CERKL: variants seen among roughly 807,000 people sequenced by gnomAD.
CERKL encodes ceramide kinase-like protein.
A neutral mutation model predicts 63.4 loss-of-function variants in CERKL; 61 were observed. The observed-to-expected ratio is 0.96, with a 90% confidence interval of 0.78 to 1.19. The LOEUF is 1.19. Ranked by LOEUF, CERKL falls within the 50% of genes most tolerant of loss-of-function variation. CERKL has a pLI of 0.00. For synonymous variants in CERKL, 250 were observed against 230.5 expected, an observed-to-expected ratio of 1.08 and a Z score of -0.77; for missense variants, 675 against 655.5, an observed-to-expected ratio of 1.03 and a Z score of -0.33.
At chr2:181,632,858 C>T (rs1687026184) in intron 1 of CERKL, among the ~76,000 whole-genome samples, 1 of 152,104 alleles carries the variant, frequency 6.6e-6, no homozygotes, top group African/African-American at 2.4e-5. Flanking sequence ...TCACTAGGGA[C>T]TTTCCTTACT....
intron 2 of CERKL, 193 bp downstream of exon 2, chr2:181,603,644 G>A: frequency 1.5e-6 from 1 of 675,804 alleles, no homozygotes; most frequent in Admixed American, 1.9e-5. Context: ...CAGGATGTAG[G>A]GAAAAATATG....
intron 5 of CERKL, among the ~76,000 whole-genome samples, chr2:181,551,952 G>A (rs1688005688): frequency 6.6e-6 from 1 of 152,032 alleles, no homozygotes; most frequent in South Asian, 2.1e-4. Context: ...GGGACAATCA[G>A]CCTGTTTATA....
At chr2:181,565,477 C>A in intron 4 of CERKL, 1 of 1,612,126 alleles carries the variant, frequency 6.2e-7, no homozygotes, top group Non-Finnish European at 8.5e-7. Flanking sequence ...TCTGTACACT[C>A]CAATGTATTG....
chr2:181,644,502 A>C (rs1020382493), intron 1 of CERKL, among the ~76,000 whole-genome samples: 1 of 152,260 alleles, frequency 6.6e-6, no homozygotes, highest in African/African-American at 2.4e-5. Flanking sequence ...GCTCTTTCGT[A>C]AACACAGTTT....
chr2:181,632,649 A>C (rs1559115733), intron 1 of CERKL, among the ~76,000 whole-genome samples: 1 of 152,206 alleles, frequency 6.6e-6, no homozygotes, highest in Non-Finnish European at 1.5e-5. Context: ...AGGCAGTAGT[A>C]AGTATCAGAG....
At chr2:181,573,997 T>A in intron 2 of CERKL, 113 bp from the exon 3 acceptor site, 3 of 929,312 alleles carry the variant, frequency 3.2e-6, no homozygotes, top group Non-Finnish European at 5.0e-6. Context: ...AAATAGTATT[T>A]GCTATTTTTA....
Position 181,603,912 on chromosome 2 carries a change from A to T in CERKL, c.406T>A (p.Ser136Thr), listed in dbSNP as rs764446902. The T allele has an allele frequency of 1.9e-6, 3 of 1,613,004 alleles. No homozygotes were observed. The highest frequency in any genetic ancestry group is 2.5e-6 in the Non-Finnish European group (3 of 1,179,280). ...LKKEQNKLKN[S>T]TLDLINLSED... is the part of the protein sequence containing the mutation. ...CTTAAATTAATAAGATCAAGTGTAG[A>T]ATTCTTTAGTTTATTTTGTTCCTTT... Residue 136 changes from serine (S) to threonine (T), a missense_variant, in exon 2 of 13, where the codon TCT (serine) becomes ACT (threonine). By Grantham distance (58) the Ser-to-Thr change is moderately conservative (BLOSUM62 1). Transcript: ENST00000410087.
chr2:181,611,884 A>G (rs570435520), intron 1 of CERKL, among the ~76,000 whole-genome samples: 18 of 152,206 alleles, frequency 1.2e-4, no homozygotes, highest in Non-Finnish European at 2.5e-4. Context: ...CTTCAGTGAA[A>G]ATATTTCTGT....
intron 2 of CERKL, among the ~76,000 whole-genome samples, chr2:181,589,037 C>G (rs1684880827): frequency 6.6e-6 from 1 of 152,148 alleles, no homozygotes; most frequent in Non-Finnish European, 1.5e-5. Flanking sequence ...TAGGTTGTCT[C>G]TTCACTCAAC....
chr2:181,546,642 T>C (rs558314789), intron 10 of CERKL, among the ~76,000 whole-genome samples: 91 of 152,296 alleles, frequency 6.0e-4, no homozygotes, highest in African/African-American at 2.1e-3. Flanking sequence ...TCACGATCCT[T>C]TCTCCTACAC....
At chr2:181,538,586 T>G (rs1687325370) in intron 12 of CERKL, among the ~76,000 whole-genome samples, 1 of 152,152 alleles carries the variant, frequency 6.6e-6, no homozygotes, top group Admixed American at 6.6e-5. Flanking sequence ...CGTTTGCAGG[T>G]TCCTAAACCT....
chr2:181,576,478 C>T (rs1272339365), intron 2 of CERKL, among the ~76,000 whole-genome samples: 1 of 152,192 alleles, frequency 6.6e-6, no homozygotes, highest in Non-Finnish European at 1.5e-5. Context: ...CTATGAAAGA[C>T]TCAGCTTACT....
At chr2:181,579,421 T>C (rs929079370) in intron 2 of CERKL, among the ~76,000 whole-genome samples, 1 of 151,946 alleles carries the variant, frequency 6.6e-6, no homozygotes, top group Non-Finnish European at 1.5e-5. Context: ...TGTTTAAGAG[T>C]TATTTTTTCC....
intron 1 of CERKL, among the ~76,000 whole-genome samples, chr2:181,610,696 G>A (rs1458526546): frequency 6.6e-6 from 1 of 152,080 alleles, no homozygotes; most frequent in Non-Finnish European, 1.5e-5. Context: ...AATCCCAGTG[G>A]AAAACACACA....
intron 2 of CERKL, among the ~76,000 whole-genome samples, chr2:181,598,952 G>C (rs1685344130): frequency 6.6e-6 from 1 of 151,840 alleles, no homozygotes; most frequent in Non-Finnish European, 1.5e-5. Flanking sequence ...AGATAAGAAG[G>C]AATCTGCCCA....
chr2:181,621,967 G>A (rs116809981), intron 1 of CERKL, among the ~76,000 whole-genome samples: 49 of 152,228 alleles, frequency 3.2e-4, no homozygotes, highest in African/African-American at 1.1e-3. Context: ...GCTTCCAGAT[G>A]GATTCAAGTT....
At chr2:181,573,677 A>T in intron 3 of CERKL, 76 bp downstream of exon 3, 1 of 1,402,482 alleles carries the variant, frequency 7.1e-7, no homozygotes, top group Non-Finnish European at 1.0e-6. Context: ...CCAAGTTTGC[A>T]TTAAGGACAA....
chr2:181,646,750 G>A (rs904561678), intron 1 of CERKL, among the ~76,000 whole-genome samples: 1 of 152,134 alleles, frequency 6.6e-6, no homozygotes, highest in Non-Finnish European at 1.5e-5. Context: ...GAGAAATACA[G>A]AAAATAAGGA....
intron 4 of CERKL, among the ~76,000 whole-genome samples, chr2:181,562,085 A>T (rs988791776): frequency 6.6e-6 from 1 of 152,142 alleles, no homozygotes; most frequent in African/African-American, 2.4e-5. Flanking sequence ...AAGAGCTGGG[A>T]TTACAGGTGT....
Sources: gnomAD v4.1 joint callset for allele counts (sites outside exome capture counted in the v4.1 genomes callset) on GRCh38, gnomAD v4.1.1 for gene constraint, MANE v1.5 for transcripts, NCBI Gene and HGNC (gene_info 2026-07-23, HGNC 2026-07-21) for gene names.